Variants in TAFA2 observed in about 807,000 individuals in gnomAD.
TAFA2 encodes the protein chemokine-like protein TAFA-2.
TAFA2 carries 7 observed loss-of-function variants against 18.8 expected under a neutral mutation model. That is an observed-to-expected ratio of 0.37 (90% confidence interval 0.21 to 0.70). TAFA2 has a LOEUF of 0.70. Ranked by LOEUF, TAFA2 falls within the 30% of genes least tolerant of loss-of-function variation. The probability of loss-of-function intolerance (pLI) is 0.53; values close to 1 mark genes in which losing one functional copy is unlikely to be tolerated. For synonymous variants in TAFA2, 60 were observed against 54.2 expected (o/e 1.11, Z -0.47); for missense variants, 122 against 158.1 (o/e 0.77, Z 1.23).
At chr12:61,785,185 T>G (rs1444319117) in intron 2 of TAFA2, among the ~76,000 whole-genome samples, 1 of 151,614 alleles carries the variant, frequency 6.6e-6, no homozygotes, top group Non-Finnish European at 1.5e-5. Context: ...TTTTTTTAGC[T>G]TCCATATATG....
At chr12:61,764,497 C>G (rs1354167982) in intron 2 of TAFA2, among the ~76,000 whole-genome samples, 1 of 151,892 alleles carries the variant, frequency 6.6e-6, no homozygotes, top group Admixed American at 6.6e-5. Context: ...GATTGGGGCT[C>G]TCATGTGTAG....
chr12:61,708,283 A>T lies in TAFA2; in HGVS notation c.*2123T>A, dbSNP rs1869234522. On this transcript the variant is annotated 3_prime_UTR_variant, in exon 5 of 5. Coordinates refer to ENST00000416284, the MANE Select transcript of TAFA2 (RefSeq NM_178539.5). ...ATTTATGAAAGAGAGTCCATTTTAT[A>T]TCCCAATTTTATTCACCTTTTCTGA... 6.6e-6 allele frequency: 1 copy of T among 152,152 alleles called. No individual in the cohort carries two copies. Among genetic ancestry groups the T allele is most frequent in the African/African-American group, 2.4e-5 (1 of 41,458 alleles). The allele number at this position is 152,152 out of a possible 1,614,324, so 9.4% of individuals were successfully genotyped here.
chr12:62,028,161 T>C (rs1881357281), intron 1 of TAFA2, among the ~76,000 whole-genome samples: 1 of 152,146 alleles, frequency 6.6e-6, no homozygotes, highest in Non-Finnish European at 1.5e-5. Flanking sequence ...TCTAATAGCC[T>C]AGTACTATAA....
At chr12:62,095,048 A>T (rs1320131478) in intron 1 of TAFA2, among the ~76,000 whole-genome samples, 1 of 152,078 alleles carries the variant, frequency 6.6e-6, no homozygotes, top group Non-Finnish European at 1.5e-5. Context: ...ATCTAACCCC[A>T]GGCACCAGGC....
chr12:62,011,270 C>T (rs948177292), intron 1 of TAFA2, among the ~76,000 whole-genome samples: 6 of 152,004 alleles, frequency 3.9e-5, no homozygotes, highest in South Asian at 2.1e-4. Flanking sequence ...CCATCGAGAG[C>T]GGGCCATGAT....
chr12:61,921,886 C>T (rs960407212), intron 1 of TAFA2, among the ~76,000 whole-genome samples: 3 of 151,910 alleles, frequency 2.0e-5, no homozygotes, highest in African/African-American at 7.2e-5. Context: ...GAGACAAAAA[C>T]GAGGTGGTAC....
rs543507584 is a variant in TAFA2, at chr12:61,994,285, C to T, written c.-1-126859G>A. 4.6e-5 allele frequency among the ~76,000 whole-genome samples: 7 copies of T among 152,230 alleles called. No individual in the cohort carries two copies. In the East Asian group the frequency reaches 1.4e-3, roughly 29 times the overall value. ...AGACAAACCCATCTATCTGTTCAAGCCTGCTTTTCCTTCTTCTCTCTTGAT... is the reference window on the plus strand; with the variant it reads ...AGACAAACCCATCTATCTGTTCAAGTCTGCTTTTCCTTCTTCTCTCTTGAT... On this transcript the variant is annotated intron_variant, in intron 1 of 4. Transcript: ENST00000416284.
intron 1 of TAFA2, among the ~76,000 whole-genome samples, chr12:61,962,891 C>T (rs1391729807): frequency 6.6e-6 from 1 of 151,772 alleles, no homozygotes; most frequent in Non-Finnish European, 1.5e-5. Flanking sequence ...CAATGCTGTC[C>T]CTCCCCTAGC....
At chr12:61,919,588 T>C (rs552332436) in intron 1 of TAFA2, among the ~76,000 whole-genome samples, 34 of 152,288 alleles carry the variant, frequency 2.2e-4, no homozygotes, top group Non-Finnish European at 3.8e-4. Flanking sequence ...GGTAACTTAG[T>C]GTGAAACACT....
intron 1 of TAFA2, among the ~76,000 whole-genome samples, chr12:62,006,946 T>C (rs1451406950): frequency 6.6e-6 from 1 of 152,214 alleles, no homozygotes; most frequent in Non-Finnish European, 1.5e-5. Flanking sequence ...ATAATATTTC[T>C]TATCTCATAA....
intron 1 of TAFA2, among the ~76,000 whole-genome samples, chr12:61,997,183 GTGTGTGTGTATA>G: frequency 6.6e-6 from 1 of 151,172 alleles, no homozygotes; most frequent in Non-Finnish European, 1.5e-5. Flanking sequence ...GTGTGTGTGT[GTGTGTGTGTATA>G]TATATATATA....
At chr12:61,791,233 A>T (rs1055163707) in intron 2 of TAFA2, among the ~76,000 whole-genome samples, 21 of 151,894 alleles carry the variant, frequency 1.4e-4, no homozygotes, top group African/African-American at 4.6e-4. Context: ...TAAATATGAG[A>T]CCTGAAACTA....
chr12:61,833,138 A>G (rs1228110787), intron 2 of TAFA2, among the ~76,000 whole-genome samples: 2 of 150,266 alleles, frequency 1.3e-5, no homozygotes, highest in Non-Finnish European at 3.0e-5. Flanking sequence ...CATAAGAAAT[A>G]CACTTCTCAG....
intron 4 of TAFA2, among the ~76,000 whole-genome samples, chr12:61,722,140 G>A (rs948011027): frequency 8.5e-5 from 13 of 152,208 alleles, no homozygotes; most frequent in African/African-American, 3.1e-4. Flanking sequence ...TCCGACAATA[G>A]AGGGGTTTTG....
chr12:61,731,640 G>A (rs1362841910), intron 4 of TAFA2, among the ~76,000 whole-genome samples: 1 of 151,922 alleles, frequency 6.6e-6, no homozygotes, highest in Non-Finnish European at 1.5e-5. Flanking sequence ...ATGTTCTTTT[G>A]TAAAACCCCG....
rs142805465 is a variant in TAFA2 at position 62,104,316 on chromosome 12, A to G, written c.-2+86943T>C. Among the ~76,000 whole-genome samples the G allele has an allele frequency of 6.6e-3, 993 of 151,126 alleles. 14 individuals are homozygous for G. The highest frequency in any genetic ancestry group is 0.023 in the African/African-American group (939 of 41,316). On this transcript the variant is annotated intron_variant, in intron 1 of 4. Transcript: ENST00000416284. The stretch of plus-strand genomic sequence containing the variant: ...CTAATGTAATGGTCTTTTTCTTTTT[A>G]CATAATATTGATTAACCCTCAGCGA...
chr12:62,156,497 C>T (rs1219010897), intron 1 of TAFA2, among the ~76,000 whole-genome samples: 1 of 152,144 alleles, frequency 6.6e-6, no homozygotes, highest in Admixed American at 6.6e-5. Flanking sequence ...CTTGCACACA[C>T]ATGTTTATAG....
chr12:61,731,397 A>G (rs574034786), intron 4 of TAFA2, among the ~76,000 whole-genome samples: 2 of 152,214 alleles, frequency 1.3e-5, no homozygotes, highest in African/African-American at 4.8e-5. Flanking sequence ...TGTGTGTCCA[A>G]GTGGGAGCTG....
chr12:61,934,711 G>A (rs1406513268), intron 1 of TAFA2, among the ~76,000 whole-genome samples: 3 of 152,186 alleles, frequency 2.0e-5, no homozygotes, highest in Non-Finnish European at 4.4e-5. Context: ...CAGAAGCTGT[G>A]TTTCAAACAC....
Sources: allele counts gnomAD v4.1 joint callset (sites outside exome capture counted in the v4.1 genomes callset), GRCh38; gene constraint gnomAD v4.1.1; transcripts MANE v1.5; gene names NCBI Gene and HGNC (gene_info 2026-07-23, HGNC 2026-07-21).